FAR2: variants seen among roughly 807,000 people sequenced by gnomAD.
FAR2 encodes fatty acyl-CoA reductase 2, also known as epididymis secretory protein Li 81.
In FAR2, 19 loss-of-function variants were observed where a neutral mutation model predicts 56.0. That is an observed-to-expected ratio of 0.34 (90% CI 0.24 to 0.50). The LOEUF (loss-of-function observed/expected upper bound fraction) is 0.50, where lower values mean the gene tolerates loss of function less well. Among genes scored for constraint, FAR2 ranks in the 20% least tolerant of loss-of-function variants. The pLI, the probability that FAR2 is intolerant of heterozygous loss-of-function variation, is 0.98. For missense variants in FAR2, 508 were observed against 642.2 expected (o/e 0.79, Z 2.26); for synonymous variants, 219 against 218.8 (o/e 1.00, Z -0.01).
At chr12:29,278,936 G>A (rs913499097) in intron 2 of FAR2, among the ~76,000 whole-genome samples, 4 of 152,112 alleles carry the variant, frequency 2.6e-5, no homozygotes, top group African/African-American at 7.2e-5. Flanking sequence ...AGATACTATC[G>A]AACTCTAGTT....
chr12:29,232,533 C>A (rs78024659), intron 1 of FAR2, among the ~76,000 whole-genome samples: 50 of 152,102 alleles, frequency 3.3e-4, no homozygotes, highest in Non-Finnish European at 6.8e-4. Context: ...GACACGACTT[C>A]CCACTACAGC....
rs375130218 is a variant in FAR2, at chr12:29,218,252, A to T, written c.-38-52160A>T. Among the ~76,000 whole-genome samples the T allele has an allele frequency of 2.0e-5, 3 of 151,984 alleles. No homozygotes were observed. In the East Asian group the frequency reaches 5.8e-4, roughly 29 times the overall value. ...CGGGCACCTGTAGTCCCAGCTACTG[A>T]GGAGGCTGAGGCAGAAGAATGGCGT... is the stretch of plus-strand genomic sequence containing the variant. On this transcript the variant is annotated intron_variant, in intron 1 of 11. Coordinates refer to ENST00000536681, the MANE Select transcript of FAR2 (RefSeq NM_001271783.2).
chr12:29,156,294 G>T (rs1484496110), intron 1 of FAR2, among the ~76,000 whole-genome samples: 1 of 152,164 alleles, frequency 6.6e-6, no homozygotes, highest in Admixed American at 6.5e-5. Flanking sequence ...CTGAATGTAT[G>T]AAATTATAAC....
At chr12:29,250,606 G>A (rs1948192970) in intron 1 of FAR2, among the ~76,000 whole-genome samples, 1 of 152,222 alleles carries the variant, frequency 6.6e-6, no homozygotes, top group East Asian at 1.9e-4. Context: ...TTTCAGTAAT[G>A]AACAGTTTAG....
rs530341688 is a variant in FAR2 at position 29,242,683 on chromosome 12, C to T, written c.-38-27729C>T. On this transcript the variant is annotated intron_variant, in intron 1 of 11. Coordinates refer to ENST00000536681, the MANE Select transcript of FAR2 (RefSeq NM_001271783.2). Reference sequence around the variant, plus strand: ...CTGCAAAACCAGCAGGCCTGCAGGCCGATATTAGAGTCACTTTCTTTCAAG... The same window carrying T: ...CTGCAAAACCAGCAGGCCTGCAGGCTGATATTAGAGTCACTTTCTTTCAAG... Among the ~76,000 whole-genome samples, 203 of 152,198 alleles carry T rather than the reference C, an allele frequency of 1.3e-3. 1 individual carries two copies. The highest frequency in any genetic ancestry group is 2.6e-3 in the Non-Finnish European group (176 of 68,018).
intron 2 of FAR2, among the ~76,000 whole-genome samples, chr12:29,291,126 G>A (rs1242685852): frequency 1.3e-5 from 2 of 151,866 alleles, no homozygotes; most frequent in Non-Finnish European, 2.9e-5. Context: ...TACCTACTAT[G>A]TACCCACAGA....
At chr12:29,323,445 C>T (rs544263860) in intron 10 of FAR2, among the ~76,000 whole-genome samples, 8 of 152,328 alleles carry the variant, frequency 5.3e-5, no homozygotes, top group Admixed American at 5.2e-4. Flanking sequence ...GGGCAGACTG[C>T]CTCCTCAAGT....
chr12:29,253,317 ATATC>A (rs1948259850), intron 1 of FAR2, among the ~76,000 whole-genome samples: 2 of 151,262 alleles, frequency 1.3e-5, no homozygotes, highest in African/African-American at 4.9e-5. Flanking sequence ...CTATATATCT[ATATC>A]TATCTAGATA....
At chr12:29,153,088 A>G (rs1949694053) in intron 1 of FAR2, among the ~76,000 whole-genome samples, 4 of 152,240 alleles carry the variant, frequency 2.6e-5, no homozygotes, top group Admixed American at 2.6e-4. Flanking sequence ...TTCTGTGACC[A>G]GACACTGTGC....
At chr12:29,302,727 G>T (rs1949196894) in intron 4 of FAR2, among the ~76,000 whole-genome samples, 1 of 152,174 alleles carries the variant, frequency 6.6e-6, no homozygotes, top group South Asian at 2.1e-4. Context: ...AAATACTGAT[G>T]AAAGTGGGCT....
At chr12:29,228,013 AG>A (rs1453816007) in intron 1 of FAR2, among the ~76,000 whole-genome samples, 1 of 152,134 alleles carries the variant, frequency 6.6e-6, no homozygotes, top group African/African-American at 2.4e-5. Flanking sequence ...AGATAGCATT[AG>A]GAGATATACC....
chr12:29,186,331 G>A (rs927006971), intron 1 of FAR2, among the ~76,000 whole-genome samples: 3 of 152,142 alleles, frequency 2.0e-5, no homozygotes, highest in African/African-American at 7.2e-5. Context: ...ACAAATTAGT[G>A]TCATAAGCAC....
At chr12:29,189,720 C>A (rs1950083949) in intron 1 of FAR2, among the ~76,000 whole-genome samples, 1 of 152,144 alleles carries the variant, frequency 6.6e-6, no homozygotes, top group South Asian at 2.1e-4. Flanking sequence ...TAATACACTG[C>A]CACAGGGCTC....
At chr12:29,183,329 T>C (rs1298786966) in intron 1 of FAR2, among the ~76,000 whole-genome samples, 1 of 152,130 alleles carries the variant, frequency 6.6e-6, no homozygotes, top group Non-Finnish European at 1.5e-5. Context: ...TCCTCCCCTT[T>C]CAATTATTAT....
At chr12:29,191,171 G>A (rs534174071) in intron 1 of FAR2, among the ~76,000 whole-genome samples, 11 of 152,156 alleles carry the variant, frequency 7.2e-5, no homozygotes, top group Non-Finnish European at 1.3e-4. Flanking sequence ...TTATGATCAG[G>A]GACTTCTTTC....
chr12:29,181,187 T>C (rs1014367745), intron 1 of FAR2, among the ~76,000 whole-genome samples: 26 of 151,148 alleles, frequency 1.7e-4, no homozygotes, highest in Non-Finnish European at 2.9e-4. Context: ...AATTTTTAGA[T>C]TAGTTTTCCT....
chr12:29,223,981 G>C (rs971814558), intron 1 of FAR2: 1 of 152,310 alleles, frequency 6.6e-6, no homozygotes, highest in Admixed American at 6.5e-5. Context: ...CTTAGGGTGA[G>C]AGACTGGTCT....
chr12:29,186,706 C>A (rs547758723), intron 1 of FAR2, among the ~76,000 whole-genome samples: 2 of 152,106 alleles, frequency 1.3e-5, no homozygotes, highest in African/African-American at 4.8e-5. Flanking sequence ...TACCTGAGCA[C>A]AAGTTTCTAG....
intron 1 of FAR2, among the ~76,000 whole-genome samples, chr12:29,159,771 T>A (rs1949765186): frequency 6.6e-6 from 1 of 152,114 alleles, no homozygotes; most frequent in Non-Finnish European, 1.5e-5. Flanking sequence ...TATCTAAAGA[T>A]AGACACAAAC....
Sources: allele counts gnomAD v4.1 joint callset (sites outside exome capture counted in the v4.1 genomes callset), GRCh38; gene constraint gnomAD v4.1.1; transcripts MANE v1.5; gene names NCBI Gene and HGNC (gene_info 2026-07-23, HGNC 2026-07-21).